MYT1L: variants seen among roughly 807,000 people sequenced by gnomAD.
MYT1L encodes myelin transcription factor 1 like.
MYT1L carries 12 observed loss-of-function variants against 126.7 expected under a neutral mutation model. That is an observed-to-expected ratio of 0.09 (90% CI 0.06 to 0.15). The LOEUF is 0.15. MYT1L is among the 10% of genes least tolerant of loss of function. The pLI, the probability that MYT1L is intolerant of heterozygous loss-of-function variation, is 1.00. For synonymous variants in MYT1L, 541 were observed against 604.2 expected (o/e 0.90, Z 1.53); for missense variants, 979 against 1,585.2 (o/e 0.62, Z 6.49).
chr2:1,971,686 G>A (rs913085061), intron 8 of MYT1L, among the ~76,000 whole-genome samples: 14 of 151,800 alleles, frequency 9.2e-5, no homozygotes, highest in Admixed American at 1.3e-4. Flanking sequence ...AGCTGAGATC[G>A]TGCCACTGCA....
chr2:2,082,166 G>C (rs935861639), intron 3 of MYT1L, among the ~76,000 whole-genome samples: 2 of 152,118 alleles, frequency 1.3e-5, no homozygotes, highest in African/African-American at 4.8e-5. Flanking sequence ...CATATACAAA[G>C]AACTTATGTG....
In MYT1L at chr2:1,890,951, CTTAGT is replaced by C. The variant is rs747666445; in HGVS notation, c.2283+1081_2283+1085del. Among the ~76,000 whole-genome samples, 92 of 140,802 alleles carry C rather than the reference CTTAGT, an allele frequency of 6.5e-4. No homozygotes were observed. The East Asian group carries it at 0.012, about 18-fold the overall frequency. 92.4% of individuals were successfully genotyped at this position (140,802 alleles called of 152,430 possible). A position where few individuals can be genotyped will look rare whatever the true frequency, so the allele number is the denominator to read the frequency against. ...ATAATGTTGGATTTATTCTCTCAGT[CTTAGT>C]TTAATTTTAAGAAAGTGCAACAAAA... On this transcript the variant is annotated intron_variant, in intron 15 of 24. Transcript: ENST00000647738.
At chr2:2,144,255 G>T (rs2084521803) in intron 3 of MYT1L, among the ~76,000 whole-genome samples, 1 of 152,028 alleles carries the variant, frequency 6.6e-6, no homozygotes, top group African/African-American at 2.4e-5. Flanking sequence ...CAGGACTAAG[G>T]CCACTCACAG....
At chr2:1,962,867 C>T (rs999555147) in intron 8 of MYT1L, among the ~76,000 whole-genome samples, 2 of 152,294 alleles carry the variant, frequency 1.3e-5, no homozygotes, top group Admixed American at 6.5e-5. Context: ...AAGTCTTGAA[C>T]CCCTCAAAGT....
At chr2:2,156,833 A>G (rs3748985) in intron 3 of MYT1L, among the ~76,000 whole-genome samples, 6,546 of 152,306 alleles carry the variant, frequency 0.043, 179 homozygotes, top group Middle Eastern at 0.092. Flanking sequence ...CGGCTGTTGG[A>G]GAGCCCTGCT....
chr2:1,889,541 C>A lies in MYT1L; in HGVS notation c.2284-64G>T. 1 of 1,320,704 alleles carries A rather than the reference C, an allele frequency of 7.6e-7. No individual in the cohort carries two copies. Among genetic ancestry groups the A allele is most frequent in the Non-Finnish European group, 1.0e-6 (1 of 956,006 alleles). The allele number at this position is 1,320,704 out of a possible 1,614,324, so 81.8% of individuals were successfully genotyped here. A position where few individuals can be genotyped will look rare whatever the true frequency, so the allele number is the denominator to read the frequency against. On this transcript the variant is annotated intron_variant, in intron 15 of 24. Transcript: ENST00000647738. The surrounding 1 kb of genome is among the most constrained non-coding windows in gnomAD (Gnocchi z 4.1). ...CATCTTGTGACACCACGAGTCCTTC[C>A]TCCCAGATTACAGTCCTGCCGTCAG...
intron 3 of MYT1L, among the ~76,000 whole-genome samples, chr2:2,080,754 A>G (rs1379348871): frequency 6.6e-6 from 1 of 152,218 alleles, no homozygotes; most frequent in Admixed American, 6.5e-5. Flanking sequence ...TGCAGGTGGG[A>G]ATATAAAATA....
chr2:1,883,213 C>T (rs1036270903), intron 18 of MYT1L, among the ~76,000 whole-genome samples: 32 of 152,154 alleles, frequency 2.1e-4, no homozygotes, highest in African/African-American at 7.5e-4. Context: ...ATTTGGCCAA[C>T]CGAAGCATCA....
At chr2:1,843,755 C>G (rs572902109) in intron 19 of MYT1L, among the ~76,000 whole-genome samples, 1 of 152,194 alleles carries the variant, frequency 6.6e-6, no homozygotes, top group African/African-American at 2.4e-5. Flanking sequence ...CCACAGAGGC[C>G]GAGCTCCTGT....
intron 3 of MYT1L, among the ~76,000 whole-genome samples, chr2:2,169,958 G>A (rs866382312): frequency 6.6e-5 from 10 of 152,158 alleles, no homozygotes; most frequent in Admixed American, 6.5e-5. Context: ...AGGCATAAAC[G>A]CACTAGAAAC....
chr2:1,807,532 G>C (rs1184431063), intron 22 of MYT1L, among the ~76,000 whole-genome samples: 1 of 152,186 alleles, frequency 6.6e-6, no homozygotes, highest in Non-Finnish European at 1.5e-5. Context: ...CTTCAGCCCA[G>C]GGCATCCGTG....
Position 1,922,537 on chromosome 2 carries a change from T to C in MYT1L, c.1232A>G (p.Asp411Gly). 2 of 1,613,942 alleles carry C rather than the reference T, an allele frequency of 1.2e-6. No individual in the cohort carries two copies. Among genetic ancestry groups the C allele is most frequent in the Non-Finnish European group, 1.7e-6 (2 of 1,179,886 alleles). The change falls in exon 10 of 25, where the codon GAT (aspartate) becomes GGT (glycine). Residue 411 changes from aspartate to glycine, a missense_variant. This residue lies in a region of MYT1L where 243 missense variants were observed against 363.9 expected (regional missense o/e 0.67). Coordinates refer to ENST00000647738, the MANE Select transcript of MYT1L (RefSeq NM_001303052.2). The surrounding 1 kb of genome is among the most constrained non-coding windows in gnomAD (Gnocchi z 7.4). ...KEDGCHERDD[D>G]TTSVNSDRSE... ...CCTGTCCGAGTTCACAGAGGTGGTA[T>C]CGTCGTCCCGCTCATGACACCCATC...
At chr2:2,133,289 C>T (rs929271220) in intron 3 of MYT1L, among the ~76,000 whole-genome samples, 6 of 152,132 alleles carry the variant, frequency 3.9e-5, no homozygotes, top group Non-Finnish European at 8.8e-5. Flanking sequence ...CAATCAAGCG[C>T]AACTTCTCCC....
At chr2:1,927,373 T>C (rs2054371640) in intron 9 of MYT1L, among the ~76,000 whole-genome samples, 2 of 152,250 alleles carry the variant, frequency 1.3e-5, no homozygotes, top group African/African-American at 2.4e-5. Context: ...CAGATTGTTA[T>C]AAACAATTTA....
chr2:1,871,279 G>A (rs1388098057), intron 18 of MYT1L, among the ~76,000 whole-genome samples: 4 of 152,204 alleles, frequency 2.6e-5, no homozygotes, highest in Admixed American at 6.5e-5. Context: ...CCAAGATCAC[G>A]TGTCTCCGTG....
At chr2:2,128,540 C>T (rs1274197023) in intron 3 of MYT1L, among the ~76,000 whole-genome samples, 1 of 152,286 alleles carries the variant, frequency 6.6e-6, no homozygotes, top group Non-Finnish European at 1.5e-5. Flanking sequence ...ATGATTCATA[C>T]ATTCACTGGT....
At chr2:1,923,814 C>T (rs1445155065) in intron 9 of MYT1L, among the ~76,000 whole-genome samples, 1 of 152,204 alleles carries the variant, frequency 6.6e-6, no homozygotes, top group African/African-American at 2.4e-5. Flanking sequence ...GCATTGGGAG[C>T]TCAGATTCAT....
At chr2:2,284,915 TG>T (rs1172959322) in intron 1 of MYT1L, among the ~76,000 whole-genome samples, 3 of 152,132 alleles carry the variant, frequency 2.0e-5, no homozygotes, top group Non-Finnish European at 4.4e-5. Context: ...TGTGCTATGT[TG>T]GCCAGGGGTC....
rs2035643647 is a variant in MYT1L at position 1,806,009 on chromosome 2, CAT to C, written c.3172+3065_3172+3066del. ...TGCTGTGCCTCTGTCCCCTGAAGAG[CAT>C]CAGGAATTGGATGCTGTGCCTCTGT... On this transcript the variant is annotated intron_variant, in intron 22 of 24. Coordinates refer to ENST00000647738, the MANE Select transcript of MYT1L (RefSeq NM_001303052.2). This position sits in a 1 kb window ranked among gnomAD's most constrained non-coding sequence, Gnocchi z 4.9. 7.2e-6 allele frequency among the ~76,000 whole-genome samples: 1 copy of C among 139,620 alleles called. No individual in the cohort carries two copies. Among genetic ancestry groups the C allele is most frequent in the Non-Finnish European group, 1.6e-5 (1 of 61,878 alleles). The allele number at this position is 139,620 out of a possible 152,430, so 91.6% of individuals were successfully genotyped here.
Sources: gnomAD v4.1 joint callset for allele counts (sites outside exome capture counted in the v4.1 genomes callset) on GRCh38, gnomAD v4.1.1 for gene constraint, gnomAD v4.1.1 regional missense constraint, Gnocchi (gnomAD v3.1) non-coding constraint, MANE v1.5 for transcripts, NCBI Gene and HGNC (gene_info 2026-07-23, HGNC 2026-07-21) for gene names.